The following PHACTR1 variants were observed in gnomAD, a reference collection of about 807,000 sequenced individuals.
The protein encoded by PHACTR1 is RPEL repeat containing 1.
In PHACTR1, 16 loss-of-function variants were observed where a neutral mutation model predicts 69.2. The ratio of observed to expected loss-of-function variants is 0.23; its 90% CI spans 0.16 to 0.35. PHACTR1 has a LOEUF of 0.35. Ranked by LOEUF, PHACTR1 falls within the 10% of genes least tolerant of loss-of-function variation. The pLI, the probability that PHACTR1 is intolerant of heterozygous loss-of-function variation, is 1.00. For synonymous variants in PHACTR1, 312 were observed against 284.5 expected, an observed-to-expected ratio of 1.10 and a Z score of -0.97; for missense variants, 510 against 734.7, an observed-to-expected ratio of 0.69 and a Z score of 3.54.
intron 13 of PHACTR1, among the ~76,000 whole-genome samples, chr6:13,285,220 A>T (rs1418488465): frequency 6.6e-6 from 1 of 152,028 alleles, no homozygotes; most frequent in East Asian, 1.9e-4. Flanking sequence ...GCTGTTGGGG[A>T]CAGAAGACAG....
intron 5 of PHACTR1, among the ~76,000 whole-genome samples, chr6:13,099,857 C>T (rs1814866790): frequency 6.6e-6 from 1 of 152,180 alleles, no homozygotes; most frequent in Non-Finnish European, 1.5e-5. Context: ...TAAAAATTAG[C>T]ACTAGCCTCA....
chr6:12,725,658 T>C (rs1762687759), intron 3 of PHACTR1, among the ~76,000 whole-genome samples: 1 of 152,232 alleles, frequency 6.6e-6, no homozygotes, highest in Admixed American at 6.5e-5. Flanking sequence ...CTATAAAGTG[T>C]CTAGTACCTT....
At chr6:12,981,941 G>A (rs1338063855) in intron 4 of PHACTR1, among the ~76,000 whole-genome samples, 1 of 152,134 alleles carries the variant, frequency 6.6e-6, no homozygotes, top group Non-Finnish European at 1.5e-5. Context: ...ATCCACCTGG[G>A]CTTGCTTTCT....
rs549713667 is a variant in PHACTR1 at position 13,264,546 on chromosome 6, C to T, written c.1392-8314C>T. On this transcript the variant is annotated intron_variant, in intron 10 of 14. Coordinates refer to ENST00000332995, the MANE Select transcript of PHACTR1 (RefSeq NM_030948.6). ...ACCAGCCTGGCCAACATGGTGAAACCCCATCTCTACTAAAAATACAAAAAT... is the reference window on the plus strand; with the variant it reads ...ACCAGCCTGGCCAACATGGTGAAACTCCATCTCTACTAAAAATACAAAAAT... 5.9e-5 allele frequency among the ~76,000 whole-genome samples: 9 copies of T among 151,960 alleles called. No individual in the cohort carries two copies. The South Asian group carries it at 1.5e-3, about 25-fold the overall frequency.
At chr6:13,200,833 C>G (rs1176985515) in intron 7 of PHACTR1, among the ~76,000 whole-genome samples, 1 of 150,744 alleles carries the variant, frequency 6.6e-6, no homozygotes. Context: ...CCCAGCTACT[C>G]GGAGGCTGAG....
At chr6:12,970,627 G>A (rs1794085287) in intron 4 of PHACTR1, among the ~76,000 whole-genome samples, 1 of 152,114 alleles carries the variant, frequency 6.6e-6, no homozygotes, top group Non-Finnish European at 1.5e-5. Context: ...GTGGTGGTGT[G>A]TGCCTGTAGT....
At chr6:13,236,911 G>A (rs866738873) in intron 10 of PHACTR1, among the ~76,000 whole-genome samples, 7 of 152,278 alleles carry the variant, frequency 4.6e-5, no homozygotes, top group Middle Eastern at 6.8e-3. Context: ...AGACAGTGAG[G>A]AGATGAATAG....
intron 5 of PHACTR1, among the ~76,000 whole-genome samples, chr6:13,118,642 C>T (rs1421026378): frequency 6.6e-6 from 1 of 152,040 alleles, no homozygotes; most frequent in Non-Finnish European, 1.5e-5. Flanking sequence ...CCATGCCCAG[C>T]TAATTTTTGT....
intron 4 of PHACTR1, among the ~76,000 whole-genome samples, chr6:12,873,088 C>T (rs983803014): frequency 1.6e-4 from 25 of 151,912 alleles, no homozygotes; most frequent in Middle Eastern, 3.2e-3. Context: ...TCATGTCTCA[C>T]TGCAGCGTCA....
chr6:13,020,621 G>A (rs1434776675), intron 4 of PHACTR1, among the ~76,000 whole-genome samples: 3 of 152,164 alleles, frequency 2.0e-5, no homozygotes, highest in African/African-American at 7.2e-5. Flanking sequence ...ACTGGAAGCA[G>A]GACAAAGACC....
At chr6:12,953,007 C>T (rs1049690234) in intron 4 of PHACTR1, among the ~76,000 whole-genome samples, 1 of 152,152 alleles carries the variant, frequency 6.6e-6, no homozygotes, top group Non-Finnish European at 1.5e-5. Context: ...TGGCAGTGTG[C>T]CCCTTGTGCC....
intron 4 of PHACTR1, among the ~76,000 whole-genome samples, chr6:12,807,368 C>T (rs897353567): frequency 6.6e-6 from 1 of 151,894 alleles, no homozygotes; most frequent in African/African-American, 2.4e-5. Flanking sequence ...TCTTTTATTC[C>T]GCAACAGGCT....
intron 9 of PHACTR1, 24 bp downstream of exon 9, chr6:13,228,087 C>T: frequency 6.3e-7 from 1 of 1,597,782 alleles, no homozygotes; most frequent in South Asian, 1.1e-5. Context: ...AACTCATCAC[C>T]AGGGGTGGGG....
chr6:12,910,605 G>T (rs971655297), intron 4 of PHACTR1, among the ~76,000 whole-genome samples: 1 of 152,116 alleles, frequency 6.6e-6, no homozygotes, highest in African/African-American at 2.4e-5. Flanking sequence ...GGATCCAGTT[G>T]CAGCTTTGTT....
chr6:13,039,368 G>A (rs1443756641), intron 4 of PHACTR1, among the ~76,000 whole-genome samples: 1 of 152,144 alleles, frequency 6.6e-6, no homozygotes, highest in Non-Finnish European at 1.5e-5. Flanking sequence ...TTTTCTATTT[G>A]TAGGGTCTAA....
At chr6:13,210,942 A>T (rs1583960302) in intron 8 of PHACTR1, among the ~76,000 whole-genome samples, 2 of 82,172 alleles carry the variant, frequency 2.4e-5, no homozygotes, top group African/African-American at 9.2e-5. Flanking sequence ...TTGCATTGAG[A>T]TTTCCCCTCA....
At position 13,179,701 on chromosome 6, in the gene PHACTR1, GAGATAGATAGATAGATAGATAGATAGAT is replaced by G. The variant is rs4053020; in HGVS notation, c.497-2798_497-2771del. Among the ~76,000 whole-genome samples, 14 of 148,422 alleles carry G rather than the reference GAGATAGATAGATAGATAGATAGATAGAT, an allele frequency of 9.4e-5. No homozygotes were observed. The highest frequency in any genetic ancestry group is 2.8e-4 in the African/African-American group (11 of 39,746). On this transcript the variant is annotated intron_variant, in intron 6 of 14. Transcript: ENST00000332995. This position sits in a 1 kb window ranked among gnomAD's most constrained non-coding sequence, Gnocchi z 4.2. Reference sequence around the variant, plus strand: ...AGGTAGGTAGATAGATAAGTAGATAGAGATAGATAGATAGATAGATAGATAGATAGATAGATAGATAGATAGACAGAAC... The same window carrying G: ...AGGTAGGTAGATAGATAAGTAGATAGAGATAGATAGATAGATAGACAGAAC...
At chr6:13,082,807 T>C (rs960076500) in intron 5 of PHACTR1, among the ~76,000 whole-genome samples, 50 of 152,352 alleles carry the variant, frequency 3.3e-4, no homozygotes, top group African/African-American at 1.1e-3. Context: ...TTTTTTCTTG[T>C]AAATTTCTTT....
At chr6:13,227,793 C>T in intron 8 of PHACTR1, 23 bp from the exon 9 acceptor site, 4 of 1,605,776 alleles carry the variant, frequency 2.5e-6, no homozygotes, top group Non-Finnish European at 3.4e-6. Context: ...TGAATTTCCT[C>T]TTTCCTCCTT....
Sources: allele counts gnomAD v4.1 joint callset (sites outside exome capture counted in the v4.1 genomes callset), GRCh38; gene constraint gnomAD v4.1.1; non-coding constraint Gnocchi (gnomAD v3.1); transcripts MANE v1.5; gene names NCBI Gene and HGNC (gene_info 2026-07-23, HGNC 2026-07-21).